PTPRD: variants seen among roughly 807,000 people sequenced by gnomAD.
The protein encoded by PTPRD is receptor-type tyrosine-protein phosphatase delta.
PTPRD carries 34 observed loss-of-function variants against 214.5 expected under a neutral mutation model. The ratio of observed to expected loss-of-function variants is 0.16; its 90% CI spans 0.12 to 0.21. PTPRD has a LOEUF of 0.21. PTPRD is among the 10% of genes least tolerant of loss of function. The pLI, the probability that PTPRD is intolerant of heterozygous loss-of-function variation, is 1.00. For synonymous variants in PTPRD, 1,128 were observed against 845.7 expected (o/e 1.33, Z -5.79); for missense variants, 2,545 against 2,398.7 (o/e 1.06, Z -1.27).
chr9:10,097,502 T>A (rs1400424362), intron 3 of PTPRD, among the ~76,000 whole-genome samples: 1 of 151,612 alleles, frequency 6.6e-6, no homozygotes. Flanking sequence ...TTGAAGCAAT[T>A]GTGAATGGGA....
chr9:10,557,087 C>T (rs1021575675), intron 2 of PTPRD, among the ~76,000 whole-genome samples: 9 of 151,988 alleles, frequency 5.9e-5, no homozygotes, highest in African/African-American at 2.2e-4. Flanking sequence ...TGAAATTACA[C>T]CATGGCTTTC....
intron 4 of PTPRD, among the ~76,000 whole-genome samples, chr9:10,030,071 G>C (rs904429497): frequency 6.6e-6 from 1 of 152,130 alleles, no homozygotes; most frequent in Non-Finnish European, 1.5e-5. Flanking sequence ...CATATAAGAT[G>C]TGCCTTTCAC....
intron 11 of PTPRD, among the ~76,000 whole-genome samples, chr9:8,841,071 T>C (rs928077528): frequency 6.6e-6 from 1 of 152,186 alleles, no homozygotes; most frequent in Non-Finnish European, 1.5e-5. Context: ...GAAGATGGAC[T>C]ATTAAATCTT....
chr9:9,479,228 C>CACA (rs1555458130), intron 8 of PTPRD, among the ~76,000 whole-genome samples: 42 of 110,550 alleles, frequency 3.8e-4, no homozygotes, highest in African/African-American at 1.3e-3. Flanking sequence ...CCCCCCCCCC[C>CACA]CACACACACA....
intron 3 of PTPRD, among the ~76,000 whole-genome samples, chr9:10,034,373 T>C (rs75638566): frequency 0.018 from 2,691 of 151,510 alleles, 74 homozygotes; most frequent in African/African-American, 0.059. Context: ...TTACTATTTC[T>C]TCTTCTCGCA....
intron 10 of PTPRD, among the ~76,000 whole-genome samples, chr9:9,054,863 T>A (rs996478177): frequency 3.3e-5 from 5 of 152,172 alleles, no homozygotes; most frequent in African/African-American, 7.2e-5. Flanking sequence ...TCTGCTAGTG[T>A]TGTGCAAGGG....
intron 3 of PTPRD, among the ~76,000 whole-genome samples, chr9:10,042,199 C>T (rs780264718): frequency 2.6e-5 from 4 of 151,974 alleles, no homozygotes; most frequent in Non-Finnish European, 4.4e-5. Context: ...ACCCCCTTTT[C>T]ACCTGTTCAG....
In PTPRD at chr9:8,641,992, T is replaced by C. The variant is rs17574061; in HGVS notation, c.65-5148A>G. On this transcript the variant is annotated intron_variant, in intron 12 of 45. Transcript: ENST00000381196. ...TTTGTCTGTCCTTAACAAACTGCCGTACTGAGGACAAAATCCTCCCTTTCG... is the reference window on the plus strand; with the variant it reads ...TTTGTCTGTCCTTAACAAACTGCCGCACTGAGGACAAAATCCTCCCTTTCG... Among the ~76,000 whole-genome samples, 1,050 of 152,302 alleles carry C rather than the reference T, an allele frequency of 6.9e-3. 4 individuals are homozygous for C. Among genetic ancestry groups the C allele is most frequent in the Non-Finnish European group, 0.011 (739 of 68,020 alleles).
chr9:9,564,744 T>A (rs970856538), intron 8 of PTPRD, among the ~76,000 whole-genome samples: 1 of 152,028 alleles, frequency 6.6e-6, no homozygotes, highest in Non-Finnish European at 1.5e-5. Flanking sequence ...GAATTGTTTT[T>A]CCTAACTCTA....
chr9:9,276,604 C>T (rs10117315), intron 9 of PTPRD, among the ~76,000 whole-genome samples: 47,815 of 151,060 alleles, frequency 0.32, 7,913 homozygotes, highest in East Asian at 0.45. Context: ...AGAGCACATG[C>T]TGGCAATTTA....
chr9:8,380,051 T>C lies in PTPRD; in HGVS notation c.4387-3325A>G, dbSNP rs568068092. On this transcript the variant is annotated intron_variant, in intron 37 of 45. Coordinates refer to ENST00000381196, the MANE Select transcript of PTPRD (RefSeq NM_002839.4). ...GGCATTCAACAAACACTAGCTATCA[T>C]TGGTTATCAGTTTGATGACATTCTG... Among the ~76,000 whole-genome samples the C allele has an allele frequency of 5.3e-5, 8 of 152,208 alleles. No individual in the cohort carries two copies. The South Asian group carries it at 8.3e-4, about 16-fold the overall frequency.
intron 4 of PTPRD, among the ~76,000 whole-genome samples, chr9:10,007,708 TG>T (rs2096514711): frequency 1.3e-5 from 2 of 152,130 alleles, no homozygotes; most frequent in South Asian, 4.1e-4. Context: ...AGGAATGTTT[TG>T]GCTAAAATGT....
At chr9:9,277,265 A>G (rs1016139840) in intron 9 of PTPRD, among the ~76,000 whole-genome samples, 6 of 151,380 alleles carry the variant, frequency 4.0e-5, no homozygotes, top group African/African-American at 1.5e-4. Context: ...CTACCAGTTC[A>G]TTCAGTATGG....
At chr9:10,381,588 G>C (rs1314879744) in intron 2 of PTPRD, among the ~76,000 whole-genome samples, 1 of 151,974 alleles carries the variant, frequency 6.6e-6, no homozygotes, top group African/African-American at 2.4e-5. Context: ...GTTTCTGTTA[G>C]TCTAACCTGT....
At chr9:9,843,626 G>C (rs2058825765) in intron 5 of PTPRD, among the ~76,000 whole-genome samples, 2 of 151,792 alleles carry the variant, frequency 1.3e-5, no homozygotes, top group Non-Finnish European at 2.9e-5. Context: ...ATGTAGGTTT[G>C]ACTTTAATAA....
chr9:10,603,967 G>A (rs760535608), intron 2 of PTPRD, among the ~76,000 whole-genome samples: 12 of 151,820 alleles, frequency 7.9e-5, no homozygotes, highest in Non-Finnish European at 1.3e-4. Context: ...ACAGACAATA[G>A]TATAATCTAT....
At chr9:10,395,102 A>T (rs10756032) in intron 2 of PTPRD, among the ~76,000 whole-genome samples, 131,568 of 151,138 alleles carry the variant, frequency 0.87, 57,246 homozygotes, top group African/African-American at 0.91. Context: ...CTTTCTTTTT[A>T]TTATTATTAT....
intron 9 of PTPRD, among the ~76,000 whole-genome samples, chr9:9,268,760 G>A (rs1028475145): frequency 1.0e-4 from 15 of 149,762 alleles, no homozygotes; most frequent in Non-Finnish European, 2.2e-4. Flanking sequence ...AATGGAGAAA[G>A]GATAGTGTCT....
chr9:8,883,149 T>C (rs2098460445), intron 11 of PTPRD, among the ~76,000 whole-genome samples: 1 of 152,166 alleles, frequency 6.6e-6, no homozygotes, highest in Non-Finnish European at 1.5e-5. Context: ...ATTGTGCCAA[T>C]TGGATTACAC....
Sources: allele counts gnomAD v4.1 joint callset (sites outside exome capture counted in the v4.1 genomes callset), GRCh38; gene constraint gnomAD v4.1.1; transcripts MANE v1.5; gene names NCBI Gene and HGNC (gene_info 2026-07-23, HGNC 2026-07-21).